Variants in ESR1 observed in about 807,000 individuals in gnomAD.
ESR1 encodes the protein estrogen receptor 1.
In ESR1, 12 loss-of-function variants were observed where a neutral mutation model predicts 52.7. The ratio of observed to expected loss-of-function variants is 0.23; its 90% CI spans 0.15 to 0.37. The LOEUF (loss-of-function observed/expected upper bound fraction) is 0.37, where lower values mean the gene tolerates loss of function less well. Ranked by LOEUF, ESR1 falls within the 10% of genes least tolerant of loss-of-function variation. The pLI is 1.00. For missense variants in ESR1, 584 were observed against 779.7 expected, an observed-to-expected ratio of 0.75 and a Z score of 2.99; for synonymous variants, 305 against 316.8, an observed-to-expected ratio of 0.96 and a Z score of 0.39.
At chr6:151,841,501 A>T (rs1288230218) in intron 1 of ESR1, among the ~76,000 whole-genome samples, 1 of 152,004 alleles carries the variant, frequency 6.6e-6, no homozygotes, top group Non-Finnish European at 1.5e-5. Context: ...AAACCTTTCT[A>T]CTTAAAGCAT....
chr6:151,974,865 T>A (rs2039280031), intron 4 of ESR1, among the ~76,000 whole-genome samples: 1 of 152,250 alleles, frequency 6.6e-6, no homozygotes, highest in Non-Finnish European at 1.5e-5. Flanking sequence ...GCTCTGTCTC[T>A]GCCTAGCAGC....
rs931836215 is a variant in ESR1 at position 152,053,883 on chromosome 6, C to T, written c.1236-7108C>T. Among the ~76,000 whole-genome samples the T allele has an allele frequency of 1.3e-5, 2 of 152,044 alleles. No homozygotes were observed. Among genetic ancestry groups the T allele is most frequent in the African/African-American group, 4.8e-5 (2 of 41,378 alleles). The stretch of plus-strand genomic sequence containing the variant: ...ATGTGTAAGGATTTTTTCCTGCATA[C>T]TTTTGTAAGTGTAGAAAATATATGT... On this transcript the variant is annotated intron_variant, in intron 5 of 7. Coordinates refer to ENST00000206249, the MANE Select transcript of ESR1 (RefSeq NM_000125.4). The surrounding 1 kb of genome is among the most constrained non-coding windows in gnomAD (Gnocchi z 4.1).
chr6:151,962,608 CCAAA>C (rs2037798023), intron 4 of ESR1, among the ~76,000 whole-genome samples: 1 of 152,228 alleles, frequency 6.6e-6, no homozygotes, highest in Non-Finnish European at 1.5e-5. Flanking sequence ...ACCAAACCAA[CCAAA>C]CAAACAAAAC....
intron 1 of ESR1, among the ~76,000 whole-genome samples, chr6:151,682,048 G>A (rs1347201635): frequency 6.6e-6 from 1 of 152,240 alleles, no homozygotes. Flanking sequence ...CCTATCAGCT[G>A]TCTGAGTCCC....
rs1207691850 is a variant in ESR1 at position 152,101,518 on chromosome 6, C to T, written c.*2552C>T. The stretch of plus-strand genomic sequence containing the variant: ...TACATTTGAAGTGGGCAGAGAACAT[C>T]AGATGATTGAAATGTTCGCCCAGGG... On this transcript the variant is annotated 3_prime_UTR_variant, in exon 8 of 8. Transcript: ENST00000206249. The T allele has an allele frequency of 8.6e-6, 2 of 231,990 alleles. No homozygotes were observed. Among genetic ancestry groups the T allele is most frequent in the Non-Finnish European group, 1.7e-5 (2 of 117,430 alleles). The allele number at this position is 231,990 out of a possible 1,614,324, so 14.4% of individuals were successfully genotyped here.
At chr6:151,696,231 GA>G (rs1779325724) in intron 1 of ESR1, among the ~76,000 whole-genome samples, 1 of 152,082 alleles carries the variant, frequency 6.6e-6, no homozygotes, top group African/African-American at 2.4e-5. Context: ...AATATTTTGG[GA>G]GGCTGAGGCC....
intron 1 of ESR1, among the ~76,000 whole-genome samples, chr6:151,657,557 T>C (rs2115185707): frequency 6.6e-6 from 1 of 152,300 alleles, no homozygotes; most frequent in Middle Eastern, 3.4e-3. Flanking sequence ...GGTGTTTAGG[T>C]TTTTGTTCTT....
intron 3 of ESR1, among the ~76,000 whole-genome samples, chr6:151,882,436 CTT>C (rs1238449611): frequency 1.3e-5 from 2 of 152,142 alleles, no homozygotes; most frequent in African/African-American, 2.4e-5. Context: ...GAAAATGACA[CTT>C]GAGTCATATG....
intron 2 of ESR1, among the ~76,000 whole-genome samples, chr6:151,846,200 T>C: frequency 6.6e-6 from 1 of 152,178 alleles, no homozygotes; most frequent in Non-Finnish European, 1.5e-5. Flanking sequence ...GCGCGGGGAA[T>C]TCTATGCGTA....
At chr6:151,735,852 T>C (rs1194767325) in intron 2 of ESR1, among the ~76,000 whole-genome samples, 3 of 152,178 alleles carry the variant, frequency 2.0e-5, no homozygotes, top group Admixed American at 2.0e-4. Context: ...GATTGGATCA[T>C]GGGGGGCAAT....
intron 2 of ESR1, among the ~76,000 whole-genome samples, chr6:151,709,976 AT>A (rs1271410268): frequency 2.0e-5 from 3 of 151,446 alleles, no homozygotes; most frequent in Admixed American, 1.3e-4. Flanking sequence ...AATATTTAGT[AT>A]TTTTTACATC....
intron 5 of ESR1, among the ~76,000 whole-genome samples, chr6:152,016,460 A>G (rs559980178): frequency 6.6e-6 from 1 of 152,166 alleles, no homozygotes; most frequent in Non-Finnish European, 1.5e-5. Flanking sequence ...TTAAATTTCA[A>G]TATTATTTAA....
chr6:151,852,335 A>C (rs1032417604), intron 2 of ESR1, among the ~76,000 whole-genome samples: 3 of 152,212 alleles, frequency 2.0e-5, no homozygotes, highest in African/African-American at 7.2e-5. Flanking sequence ...TACTTCTTGA[A>C]GGTTGCACAT....
At chr6:152,062,834 A>G (rs1169659871) in intron 6 of ESR1, among the ~76,000 whole-genome samples, 2 of 152,178 alleles carry the variant, frequency 1.3e-5, no homozygotes, top group Non-Finnish European at 2.9e-5. Flanking sequence ...CCAGAGTTGT[A>G]TGATCCACAC....
chr6:151,892,009 C>T (rs1406007360), intron 3 of ESR1, among the ~76,000 whole-genome samples: 1 of 151,946 alleles, frequency 6.6e-6, no homozygotes, highest in African/African-American at 2.4e-5. Context: ...TTAGATAATT[C>T]TATTTTTGAA....
At chr6:152,117,854 T>C (rs1320022774) in intron 6 of ESR1, among the ~76,000 whole-genome samples, 1 of 152,232 alleles carries the variant, frequency 6.6e-6, no homozygotes, top group African/African-American at 2.4e-5. Context: ...AAGCTGGGAA[T>C]TGAAGAATAA....
At chr6:152,079,107 C>G (rs1382016431) in intron 6 of ESR1, among the ~76,000 whole-genome samples, 4 of 152,222 alleles carry the variant, frequency 2.6e-5, no homozygotes, top group Non-Finnish European at 5.9e-5. Context: ...ACATCCCTGT[C>G]TGACACCTCT....
At chr6:151,808,415 G>T (rs1366906362) in intron 1 of ESR1, 51 bp downstream of exon 1, 4 of 1,126,612 alleles carry the variant, frequency 3.6e-6, no homozygotes, top group Non-Finnish European at 4.8e-6. Flanking sequence ...CCGGCAGGAG[G>T]GAGGGAGGGA....
chr6:151,858,877 A>G (rs2128281049), intron 2 of ESR1, among the ~76,000 whole-genome samples: 1 of 152,300 alleles, frequency 6.6e-6, no homozygotes, highest in East Asian at 1.9e-4. Flanking sequence ...AACAGAGGAG[A>G]CCAATTTACT....
Sources: allele counts gnomAD v4.1 joint callset (sites outside exome capture counted in the v4.1 genomes callset), GRCh38; gene constraint gnomAD v4.1.1; non-coding constraint Gnocchi (gnomAD v3.1); transcripts MANE v1.5; gene names NCBI Gene and HGNC (gene_info 2026-07-23, HGNC 2026-07-21).